Variants in DNM3 observed in about 807,000 individuals in gnomAD.
DNM3 encodes the protein dynamin 3.
In DNM3, 47 loss-of-function variants were observed where a neutral mutation model predicts 101.6. The observed-to-expected ratio is 0.46, with a 90% CI of 0.37 to 0.59. DNM3 has a LOEUF of 0.59. Ranked by LOEUF, DNM3 falls within the 20% of genes least tolerant of loss-of-function variation. The pLI, the probability that DNM3 is intolerant of heterozygous loss-of-function variation, is 0.00. For synonymous variants in DNM3, 385 were observed against 387.9 expected (o/e 0.99, Z 0.09); for missense variants, 849 against 1,085.7 (o/e 0.78, Z 3.06).
intron 11 of DNM3, among the ~76,000 whole-genome samples, chr1:172,076,490 ATC>A (rs1321905408): frequency 1.3e-5 from 2 of 152,212 alleles, no homozygotes; most frequent in Non-Finnish European, 2.9e-5. Flanking sequence ...GATACATTCC[ATC>A]AATACCTAGT....
chr1:172,269,281 C>G (rs2148741118), intron 15 of DNM3, among the ~76,000 whole-genome samples: 1 of 152,328 alleles, frequency 6.6e-6, no homozygotes, highest in South Asian at 2.1e-4. Context: ...TCAGAGCAAA[C>G]ACATTGCCCT....
chr1:172,250,365 C>T (rs1320748948), intron 14 of DNM3, among the ~76,000 whole-genome samples: 1 of 152,102 alleles, frequency 6.6e-6, no homozygotes, highest in Non-Finnish European at 1.5e-5. Context: ...GAAAAGAAGA[C>T]ATTGGCCAAT....
At chr1:172,107,327 G>A (rs2147921422) in intron 13 of DNM3, among the ~76,000 whole-genome samples, 1 of 152,176 alleles carries the variant, frequency 6.6e-6, no homozygotes. Flanking sequence ...TTGGGAGTGA[G>A]GGGAGTAGGA....
At chr1:172,197,201 G>A (rs143157535) in intron 14 of DNM3, among the ~76,000 whole-genome samples, 1,805 of 151,804 alleles carry the variant, frequency 0.012, 50 homozygotes, top group Admixed American at 0.059. Flanking sequence ...CAGCTTTGTC[G>A]AAGATCAGAT....
intron 14 of DNM3, among the ~76,000 whole-genome samples, chr1:172,194,807 C>G (rs1283846734): frequency 6.6e-6 from 1 of 152,060 alleles, no homozygotes; most frequent in Non-Finnish European, 1.5e-5. Context: ...GGTCTTGACT[C>G]TTTATCCAAT....
chr1:172,326,597 A>C (rs1442449752), intron 17 of DNM3, among the ~76,000 whole-genome samples: 1 of 152,094 alleles, frequency 6.6e-6, no homozygotes, highest in Non-Finnish European at 1.5e-5. Flanking sequence ...TTCCTTTTTG[A>C]ATGTGATGGC....
At chr1:172,183,906 C>T (rs1017160311) in intron 14 of DNM3, among the ~76,000 whole-genome samples, 1 of 147,720 alleles carries the variant, frequency 6.8e-6, no homozygotes, top group Admixed American at 6.9e-5. Context: ...ATACACCTGG[C>T]TTCAAAGTTT....
At chr1:172,172,983 A>G (rs1186607348) in intron 14 of DNM3, among the ~76,000 whole-genome samples, 1 of 151,914 alleles carries the variant, frequency 6.6e-6, no homozygotes, top group East Asian at 1.9e-4. Context: ...TATGCACATA[A>G]AAAGATAGTA....
At chr1:171,863,356 G>T (rs886473317) in intron 1 of DNM3, among the ~76,000 whole-genome samples, 1 of 152,000 alleles carries the variant, frequency 6.6e-6, no homozygotes, top group Admixed American at 6.6e-5. Context: ...ATGTAGGGAA[G>T]CTCCAGTTTA....
At chr1:172,230,694 T>A (rs1234216584) in intron 14 of DNM3, among the ~76,000 whole-genome samples, 1 of 152,172 alleles carries the variant, frequency 6.6e-6, no homozygotes, top group African/African-American at 2.4e-5. Flanking sequence ...TTACTCATTC[T>A]CTTTGACCCT....
chr1:171,841,918 C>A (rs2031256471), intron 1 of DNM3, 101 bp downstream of exon 1: 3 of 1,443,612 alleles, frequency 2.1e-6, no homozygotes, highest in East Asian at 5.3e-5. Context: ...GTGGATGGAC[C>A]AGGCGCTGCG....
chr1:171,964,893 A>G (rs531611481), intron 2 of DNM3, among the ~76,000 whole-genome samples: 10 of 151,964 alleles, frequency 6.6e-5, no homozygotes, highest in African/African-American at 1.9e-4. Flanking sequence ...CAACTGATGG[A>G]AAACTGTGTC....
intron 1 of DNM3, among the ~76,000 whole-genome samples, chr1:171,913,486 C>A (rs1437879172): frequency 6.6e-6 from 1 of 152,084 alleles, no homozygotes; most frequent in East Asian, 1.9e-4. Flanking sequence ...CCAATTAAAT[C>A]TGTAGATTTT....
Position 171,858,078 on chromosome 1 carries a change from T to A in DNM3, c.161+16261T>A, listed in dbSNP as rs535581624. On this transcript the variant is annotated intron_variant, in intron 1 of 20. Coordinates refer to ENST00000627582, the MANE Select transcript of DNM3 (RefSeq NM_015569.5). The stretch of plus-strand genomic sequence containing the variant: ...CTTTAATAAATAAATCTCTTTTATT[T>A]AAGTGACCCAGCATGTGGTATTTTG... Among the ~76,000 whole-genome samples, 3 of 152,274 alleles carry A rather than the reference T, an allele frequency of 2.0e-5. No homozygotes were observed. In the South Asian group the frequency reaches 6.2e-4, roughly 32 times the overall value.
intron 13 of DNM3, among the ~76,000 whole-genome samples, chr1:172,122,533 G>A (rs1286007101): frequency 6.6e-6 from 1 of 152,122 alleles, no homozygotes; most frequent in Non-Finnish European, 1.5e-5. Context: ...AGCACACCCT[G>A]GCAAAAATAT....
chr1:172,228,950 A>G (rs987893046), intron 14 of DNM3, among the ~76,000 whole-genome samples: 14 of 152,080 alleles, frequency 9.2e-5, no homozygotes, highest in African/African-American at 3.4e-4. Context: ...TTCTTTTGCC[A>G]CTTTCTACTA....
intron 15 of DNM3, among the ~76,000 whole-genome samples, chr1:172,302,571 G>A (rs2148851500): frequency 6.6e-6 from 1 of 152,340 alleles, no homozygotes; most frequent in Middle Eastern, 3.4e-3. Context: ...GCCTCCTCAA[G>A]TGGGTCCATG....
At chr1:171,889,351 C>T (rs1458984303) in intron 1 of DNM3, among the ~76,000 whole-genome samples, 1 of 151,784 alleles carries the variant, frequency 6.6e-6, no homozygotes, top group Non-Finnish European at 1.5e-5. Context: ...AAAACGACAA[C>T]AACAAAAAAC....
chr1:172,240,952 TC>T (rs2061726028), intron 14 of DNM3, among the ~76,000 whole-genome samples: 1 of 151,838 alleles, frequency 6.6e-6, no homozygotes, highest in Non-Finnish European at 1.5e-5. Flanking sequence ...AGTAAATTTT[TC>T]CCTTCCTAGT....
Sources: gnomAD v4.1 joint callset for allele counts (sites outside exome capture counted in the v4.1 genomes callset) on GRCh38, gnomAD v4.1.1 for gene constraint, MANE v1.5 for transcripts, NCBI Gene and HGNC (gene_info 2026-07-23, HGNC 2026-07-21) for gene names.